The following CYFIP2 variants were observed in gnomAD, a reference collection of about 807,000 sequenced individuals.
The protein encoded by CYFIP2 is cytoplasmic FMR1 interacting protein 2, also known as cytoplasmic FMR1-interacting protein 2.
CYFIP2 carries 29 observed loss-of-function variants against 158.7 expected under a neutral mutation model. The ratio of observed to expected loss-of-function variants is 0.18; its 90% CI spans 0.14 to 0.25. CYFIP2 has a LOEUF of 0.25. Among genes scored for constraint, CYFIP2 ranks in the 10% least tolerant of loss-of-function variants. The pLI, the probability that CYFIP2 is intolerant of heterozygous loss-of-function variation, is 1.00. For missense variants in CYFIP2, 852 were observed against 1,639.5 expected (o/e 0.52, Z 8.29); for synonymous variants, 585 against 617.6 (o/e 0.95, Z 0.78).
chr5:157,302,720 C>A, intron 6 of CYFIP2, 74 bp from the exon 7 acceptor site: 1 of 1,203,956 alleles, frequency 8.3e-7, no homozygotes, highest in Non-Finnish European at 1.2e-6. Flanking sequence ...GGTGGGCATG[C>A]GAGCCCGTGA....
chr5:157,282,624 G>A (rs931373761), intron 1 of CYFIP2, among the ~76,000 whole-genome samples: 3 of 152,150 alleles, frequency 2.0e-5, no homozygotes, highest in African/African-American at 7.2e-5. Context: ...CCTAGAAGTG[G>A]GATTGCTGGT....
At chr5:157,294,742 C>T in intron 3 of CYFIP2, 41 bp from the exon 4 acceptor site, 1 of 1,585,454 alleles carries the variant, frequency 6.3e-7, no homozygotes, top group South Asian at 1.1e-5. Context: ...CTGGTGGCAC[C>T]CGTCTTGTTC....
intron 12 of CYFIP2, 99 bp downstream of exon 12, chr5:157,314,562 T>G (rs1228040656): frequency 5.5e-6 from 8 of 1,467,610 alleles, no homozygotes; most frequent in Middle Eastern, 2.2e-4. Flanking sequence ...ATTTACGGAG[T>G]TACAATTCAC....
chr5:157,299,997 C>T (rs77402199), intron 5 of CYFIP2, among the ~76,000 whole-genome samples: 1,526 of 152,218 alleles, frequency 0.01, 33 homozygotes, highest in African/African-American at 0.034. Context: ...TGCTCTACCC[C>T]GGGACCTAGA....
At chr5:157,312,338 T>A (rs1561716165) in intron 11 of CYFIP2, among the ~76,000 whole-genome samples, 1 of 151,828 alleles carries the variant, frequency 6.6e-6, no homozygotes, top group Non-Finnish European at 1.5e-5. Flanking sequence ...TTTTTTTTTT[T>A]AATGGAGACA....
chr5:157,275,932 C>T (rs1756507738), intron 1 of CYFIP2, among the ~76,000 whole-genome samples: 1 of 151,948 alleles, frequency 6.6e-6, no homozygotes, highest in Admixed American at 6.6e-5. Flanking sequence ...CTGTTTTCTC[C>T]ATTTTATTTT....
In CYFIP2 at chr5:157,361,416, A is replaced by G; in HGVS notation, c.2909-52A>G. 6.2e-7 allele frequency: 1 copy of G among 1,611,014 alleles called. No homozygotes were observed. Among genetic ancestry groups the G allele is most frequent in the Non-Finnish European group, 8.5e-7 (1 of 1,178,902 alleles). ...GCCACTCAGTCATTGTTTCCCATAG[A>G]CCCTACTGAGCAGTGTCAACTTCCC... On this transcript the variant is annotated intron_variant, in intron 25 of 30. Coordinates refer to ENST00000620254, the MANE Select transcript of CYFIP2 (RefSeq NM_001037333.3). This position sits in a 1 kb window ranked among gnomAD's most constrained non-coding sequence, Gnocchi z 4.4.
Position 157,381,641 on chromosome 5 carries a change from G to A in CYFIP2, c.3040-949G>A, listed in dbSNP as rs146917459. Among the ~76,000 whole-genome samples, 21 of 152,154 alleles carry A rather than the reference G, an allele frequency of 1.4e-4. No homozygotes were observed. The East Asian group carries it at 3.3e-3, about 24-fold the overall frequency. ...GGGACTGCAGAGTGTTCTTCCTCTG[G>A]TAGCCTCATTTCTAGGACTGATCTG... is the stretch of plus-strand genomic sequence containing the variant. On this transcript the variant is annotated intron_variant, in intron 26 of 30. Coordinates refer to ENST00000620254, the MANE Select transcript of CYFIP2 (RefSeq NM_001037333.3).
At position 157,294,365 on chromosome 5, in the gene CYFIP2, A is replaced by G. The variant is rs113996393; in HGVS notation, c.208-418A>G. On this transcript the variant is annotated intron_variant, in intron 3 of 30. Coordinates refer to ENST00000620254, the MANE Select transcript of CYFIP2 (RefSeq NM_001037333.3). ...AGATTTCTCTGTCGTAATCTTTGCA[A>G]AGGCAGTTTTGATAATATACTTTCA... 3.5e-3 allele frequency among the ~76,000 whole-genome samples: 527 copies of G among 152,358 alleles called. 3 individuals carry two copies. The highest frequency in any genetic ancestry group is 0.012 in the African/African-American group (487 of 41,582).
chr5:157,301,791 C>G (rs1184245476), intron 6 of CYFIP2, among the ~76,000 whole-genome samples: 1 of 152,036 alleles, frequency 6.6e-6, no homozygotes, highest in Non-Finnish European at 1.5e-5. Context: ...AAAAAGAGGA[C>G]TGAAAGTGGG....
chr5:157,344,569 G>A (rs1176515427), intron 23 of CYFIP2, among the ~76,000 whole-genome samples: 7 of 152,114 alleles, frequency 4.6e-5, no homozygotes, highest in Non-Finnish European at 5.9e-5. Context: ...GCCAGGCCCC[G>A]CTTTGATAAG....
Position 157,360,279 on chromosome 5 carries a change from C to A in CYFIP2, c.2818-3C>A. On this transcript the variant is annotated splice_region_variant and splice_polypyrimidine_tract_variant and intron_variant, in intron 24 of 30. Coordinates refer to ENST00000620254, the MANE Select transcript of CYFIP2 (RefSeq NM_001037333.3). ...CCACTCATCTGTACTCTTCTTTTGT[C>A]AGCTCCAAGGAACCATTCTCCAGTA... is the stretch of plus-strand genomic sequence containing the variant. The A allele has an allele frequency of 6.2e-7, 1 of 1,612,728 alleles. No homozygotes were observed. Among genetic ancestry groups the A allele is most frequent in the South Asian group, 1.1e-5 (1 of 90,938 alleles).
intron 20 of CYFIP2, among the ~76,000 whole-genome samples, chr5:157,331,316 AGAG>A (rs1253755295): frequency 6.6e-6 from 1 of 151,262 alleles, no homozygotes; most frequent in Non-Finnish European, 1.5e-5. Flanking sequence ...CCCTATATGT[AGAG>A]GAGATGTTGC....
Position 157,272,173 on chromosome 5 carries a change from AAAC to A in CYFIP2, c.-24+5982_-24+5984del, listed in dbSNP as rs1399474710. On this transcript the variant is annotated intron_variant, in intron 1 of 30. Coordinates refer to ENST00000620254, the MANE Select transcript of CYFIP2 (RefSeq NM_001037333.3). ...TTCTCTGTCTACTCAGTCTACTCATAAACAACGAGGAGGATAGGCCTTCTCCAG... is the reference window on the plus strand; with the variant it reads ...TTCTCTGTCTACTCAGTCTACTCATAAACGAGGAGGATAGGCCTTCTCCAG... 8.5e-5 allele frequency among the ~76,000 whole-genome samples: 13 copies of A among 152,276 alleles called. No individual in the cohort carries two copies. In the East Asian group the frequency reaches 1.9e-3, roughly 23 times the overall value.
intron 23 of CYFIP2, among the ~76,000 whole-genome samples, chr5:157,353,064 T>C (rs1401055691): frequency 1.3e-5 from 2 of 152,222 alleles, no homozygotes; most frequent in African/African-American, 4.8e-5. Flanking sequence ...GGCCTAGTGA[T>C]ACCAGTTTGG....
intron 23 of CYFIP2, among the ~76,000 whole-genome samples, chr5:157,355,491 C>T (rs1763351625): frequency 6.6e-6 from 1 of 152,174 alleles, no homozygotes; most frequent in Admixed American, 6.5e-5. Flanking sequence ...ATCATCTCTA[C>T]TTAGGGGAAA....
At chr5:157,319,121 C>T (rs1172466828) in intron 13 of CYFIP2, among the ~76,000 whole-genome samples, 1 of 152,120 alleles carries the variant, frequency 6.6e-6, no homozygotes, top group Non-Finnish European at 1.5e-5. Context: ...CCCAAAAGAG[C>T]GAGCCAAGGT....
In CYFIP2 at chr5:157,314,419, G is replaced by T. The variant is rs745821702; in HGVS notation, c.1186G>T (p.Gly396Cys). 1.6e-5 allele frequency: 26 copies of T among 1,613,708 alleles called. No individual in the cohort carries two copies. The highest frequency in any genetic ancestry group is 2.0e-5 in the Non-Finnish European group (24 of 1,179,814). Residue 396 changes from glycine to cysteine, a missense_variant, in exon 12 of 31, where the codon GGT (glycine) becomes TGT (cysteine). By Grantham distance (159) the Gly-to-Cys change is radical. Transcript: ENST00000620254. ...CGAGCTCTTCGACCTAGCCCTGCGG[G>T]GTCTGCAGCTTCTATCCAAGTGGAG... The part of the protein sequence containing the change: ...YRELFDLALR[G>C]LQLLSKWSAH...
chr5:157,294,924 C>T (rs1758132028), intron 4 of CYFIP2, 64 bp downstream of exon 4: 4 of 1,349,102 alleles, frequency 3.0e-6, no homozygotes, highest in Non-Finnish European at 4.2e-6. Context: ...CCTACTTCAT[C>T]CCCAAACCAG....
Sources: gnomAD v4.1 joint callset for allele counts (sites outside exome capture counted in the v4.1 genomes callset) on GRCh38, gnomAD v4.1.1 for gene constraint, Gnocchi (gnomAD v3.1) non-coding constraint, MANE v1.5 for transcripts, NCBI Gene and HGNC (gene_info 2026-07-23, HGNC 2026-07-21) for gene names.